Variants in FMNL2 observed in about 807,000 individuals in gnomAD.
The protein encoded by FMNL2 is formin like 2.
FMNL2 carries 51 observed loss-of-function variants against 130.2 expected under a neutral mutation model. The observed-to-expected ratio is 0.39, with a 90% CI of 0.31 to 0.49. The LOEUF is 0.49. Ranked by LOEUF, FMNL2 falls within the 20% of genes least tolerant of loss-of-function variation. FMNL2 has a pLI of 0.85. For synonymous variants in FMNL2, 465 were observed against 467.1 expected (o/e 1.00, Z 0.06); for missense variants, 977 against 1,316.2 (o/e 0.74, Z 3.99).
At chr2:152,563,170 G>T (rs1384558700) in intron 6 of FMNL2, among the ~76,000 whole-genome samples, 2 of 152,174 alleles carry the variant, frequency 1.3e-5, no homozygotes, top group Non-Finnish European at 2.9e-5. Context: ...AAATTGGAAA[G>T]TCAGACCAAA....
At chr2:152,571,365 C>T (rs1324917180) in intron 6 of FMNL2, among the ~76,000 whole-genome samples, 2 of 152,146 alleles carry the variant, frequency 1.3e-5, no homozygotes, top group Non-Finnish European at 2.9e-5. Context: ...AAATAAAGCT[C>T]ATGTGTGCCA....
chr2:152,337,160 C>T lies in FMNL2; in HGVS notation c.117+1440C>T, dbSNP rs6707730. ...GGTTGCTTGTGTTGCTTTGCATCTC[C>T]TGTGATCTCCCACAGCTGCTCCCAC... On this transcript the variant is annotated intron_variant, in intron 1 of 25. Coordinates refer to ENST00000288670, the MANE Select transcript of FMNL2 (RefSeq NM_052905.4). 3.3e-3 allele frequency among the ~76,000 whole-genome samples: 499 copies of T among 152,268 alleles called. 4 individuals are homozygous for T. Among genetic ancestry groups the T allele is most frequent in the African/African-American group, 0.012 (484 of 41,528 alleles).
At chr2:152,612,896 A>C (rs1698759243) in intron 11 of FMNL2, among the ~76,000 whole-genome samples, 1 of 152,194 alleles carries the variant, frequency 6.6e-6, no homozygotes, top group Non-Finnish European at 1.5e-5. Flanking sequence ...AGCTGTGAAG[A>C]ATATAGAAGT....
chr2:152,413,334 A>T (rs1314048058), intron 1 of FMNL2, among the ~76,000 whole-genome samples: 2 of 149,730 alleles, frequency 1.3e-5, no homozygotes, highest in Non-Finnish European at 1.5e-5. Flanking sequence ...TGACATGCTT[A>T]AAAAAAAAAT....
At chr2:152,415,069 G>T (rs1167911584) in intron 1 of FMNL2, among the ~76,000 whole-genome samples, 1 of 152,072 alleles carries the variant, frequency 6.6e-6, no homozygotes. Flanking sequence ...TGTGCTGTGG[G>T]TCACTAATAC....
intron 1 of FMNL2, among the ~76,000 whole-genome samples, chr2:152,463,825 A>G (rs1209361436): frequency 6.6e-6 from 1 of 152,166 alleles, no homozygotes; most frequent in East Asian, 1.9e-4. Flanking sequence ...AATGAATTGA[A>G]TGTTGTTTTT....
chr2:152,645,464 C>G, intron 25 of FMNL2: 1 of 1,289,836 alleles, frequency 7.8e-7, no homozygotes, highest in Non-Finnish European at 1.0e-6. Flanking sequence ...ACTAAATTTC[C>G]AAATGTTCAC....
chr2:152,403,348 TCTATCTAA>T (rs1292623410), intron 1 of FMNL2, among the ~76,000 whole-genome samples: 2 of 152,114 alleles, frequency 1.3e-5, no homozygotes, highest in Non-Finnish European at 2.9e-5. Flanking sequence ...GAGAGGAGGA[TCTATCTAA>T]CTTATTTGGA....
At chr2:152,501,129 C>T (rs1306476813) in intron 1 of FMNL2, among the ~76,000 whole-genome samples, 1 of 152,176 alleles carries the variant, frequency 6.6e-6, no homozygotes, top group Non-Finnish European at 1.5e-5. Flanking sequence ...AAAAACAATT[C>T]TTTGTGCCCT....
intron 1 of FMNL2, among the ~76,000 whole-genome samples, chr2:152,486,736 G>A (rs1029346817): frequency 7.2e-5 from 11 of 152,182 alleles, no homozygotes; most frequent in African/African-American, 1.2e-4. Context: ...AGTTCTCTAA[G>A]TTGTTTTCTG....
At chr2:152,335,857 T>C in intron 1 of FMNL2, 137 bp downstream of exon 1, 1 of 566,088 alleles carries the variant, frequency 1.8e-6, no homozygotes, top group Non-Finnish European at 2.9e-6. Context: ...CTTTCCCCTT[T>C]GTGGCCCCCC....
At chr2:152,447,043 GA>G (rs958602451) in intron 1 of FMNL2, among the ~76,000 whole-genome samples, 28 of 151,642 alleles carry the variant, frequency 1.8e-4, no homozygotes, top group Non-Finnish European at 3.4e-4. Context: ...CCCTGAAAGA[GA>G]AGAGTTTAAA....
intron 15 of FMNL2, among the ~76,000 whole-genome samples, chr2:152,624,749 A>G (rs1006790257): frequency 6.6e-6 from 1 of 152,068 alleles, no homozygotes; most frequent in African/African-American, 2.4e-5. Flanking sequence ...AGGTGGGAGG[A>G]TTGCCCGAGC....
chr2:152,570,552 G>T (rs1696116371), intron 6 of FMNL2, among the ~76,000 whole-genome samples: 1 of 152,200 alleles, frequency 6.6e-6, no homozygotes, highest in Non-Finnish European at 1.5e-5. Context: ...GCCAGCCTGG[G>T]AGAAGAAAGG....
At chr2:152,492,085 A>G (rs1558909678) in intron 1 of FMNL2, among the ~76,000 whole-genome samples, 3 of 152,360 alleles carry the variant, frequency 2.0e-5, no homozygotes, top group South Asian at 4.1e-4. Context: ...GCATGAACAC[A>G]GCATTGTTCC....
rs1292272475 is a variant in FMNL2 at position 152,619,606 on chromosome 2, A to T, written c.1725A>T (p.Pro575=). The part of the protein sequence containing the change: ...PPPPPPPPPL[P]GPAAETVPAP... ...CGCCCCCTCCGCCTCCTCCTCTCCC[A>T]GGCCCTGCAGCTGAGACTGTACCAG... Residue 575 remains proline (P), a synonymous_variant, in exon 15 of 26, where the codon CCA becomes CCT. Transcript: ENST00000288670. 1.6e-6 allele frequency: 2 copies of T among 1,282,590 alleles called. No homozygotes were observed. The highest frequency in any genetic ancestry group is 1.0e-4 in the East Asian group (2 of 19,870). The allele number at this position is 1,282,590 out of a possible 1,614,324, so 79.5% of individuals were successfully genotyped here.
Position 152,478,967 on chromosome 2 carries a change from TAAC to T in FMNL2, c.118-42973_118-42971del, listed in dbSNP as rs552429482. ...TGATGTCCCACATTCTCAAGAAGAA[TAAC>T]AAATAAGTTCTGAATGTATAAACTT... is the stretch of plus-strand genomic sequence containing the variant. On this transcript the variant is annotated intron_variant, in intron 1 of 25. Transcript: ENST00000288670. 1.6e-4 allele frequency among the ~76,000 whole-genome samples: 25 copies of T among 152,282 alleles called. No individual in the cohort carries two copies. In the South Asian group the frequency reaches 3.9e-3, roughly 24 times the overall value.
At chr2:152,380,967 C>G (rs1374302778) in intron 1 of FMNL2, among the ~76,000 whole-genome samples, 5 of 152,136 alleles carry the variant, frequency 3.3e-5, no homozygotes, top group Non-Finnish European at 7.3e-5. Context: ...CTTAGTATAA[C>G]TAAGTAGGAA....
chr2:152,365,982 T>C (rs529955548), intron 1 of FMNL2, among the ~76,000 whole-genome samples: 1 of 152,188 alleles, frequency 6.6e-6, no homozygotes, highest in South Asian at 2.1e-4. Flanking sequence ...CGTATACCCA[T>C]GTAAAAATTA....
Sources: gnomAD v4.1 joint callset for allele counts (sites outside exome capture counted in the v4.1 genomes callset) on GRCh38, gnomAD v4.1.1 for gene constraint, MANE v1.5 for transcripts, NCBI Gene and HGNC (gene_info 2026-07-23, HGNC 2026-07-21) for gene names.